Variants in HECTD3 observed in about 807,000 individuals in gnomAD.
The protein encoded by HECTD3 is HECT domain E3 ubiquitin protein ligase 3, also known as E3 ubiquitin-protein ligase HECTD3.
Under a neutral mutation model 109.3 loss-of-function variants are expected in HECTD3, and 72 were observed. The observed-to-expected ratio is 0.66, with a 90% confidence interval of 0.54 to 0.80. The LOEUF (loss-of-function observed/expected upper bound fraction) is 0.80. Among genes scored for constraint, HECTD3 ranks in the 30% least tolerant of loss-of-function variants. HECTD3 has a pLI of 0.00. For synonymous variants in HECTD3, 481 were observed against 471.8 expected (o/e 1.02, Z -0.25); for missense variants, 1,041 against 1,165.2 (o/e 0.89, Z 1.55).
rs745830654 is a variant in HECTD3 at position 45,009,357 on chromosome 1, C to T, written c.989+12G>A. ...ACATGCCCTACTTCCCTCCCCAGGC[C>T]AGCGTGCTCACTCGTCAATGCTCAC... On this transcript the variant is annotated intron_variant, in intron 6 of 20. Transcript: ENST00000372172. 1.3e-6 allele frequency: 2 copies of T among 1,599,650 alleles called. No homozygotes were observed. The highest frequency in any genetic ancestry group is 2.2e-5 in the South Asian group (2 of 90,628).
rs567972763 is a variant in HECTD3, at chr1:45,007,026, C to T, written c.1557-11G>A. ...TAGCGCATGGGCCACCTGCAAAAAA[C>T]GTGGGCAGATTTGTCATTATGTGGG... On this transcript the variant is annotated splice_polypyrimidine_tract_variant and intron_variant, in intron 11 of 20. Coordinates refer to ENST00000372172, the MANE Select transcript of HECTD3 (RefSeq NM_024602.6). The T allele has an allele frequency of 1.7e-5, 27 of 1,613,966 alleles. No homozygotes were observed. In the Admixed American group the frequency reaches 2.0e-4, roughly 12 times the overall value.
chr1:45,006,732 G>T lies in HECTD3; in HGVS notation c.1685C>A (p.Thr562Asn). ...SEELCPSSAD[T>N]PVPLPFFVRT... ...TACAAAGAAGGGCAGGGGCACGGGG[G>T]TATCCGCTGAGCTAGGGCACAGCTC... is the stretch of plus-strand genomic sequence containing the variant. Residue 562 changes from threonine (T) to asparagine (N), a missense_variant, in exon 13 of 21, where the codon ACC becomes AAC. Coordinates refer to ENST00000372172, the MANE Select transcript of HECTD3 (RefSeq NM_024602.6). The surrounding 1 kb of genome is among the most constrained non-coding windows in gnomAD (Gnocchi z 4.7). The T allele has an allele frequency of 6.2e-7, 1 of 1,613,690 alleles. No homozygotes were observed. Among genetic ancestry groups the T allele is most frequent in the Non-Finnish European group, 8.5e-7 (1 of 1,179,792 alleles).
Position 45,003,937 on chromosome 1 carries a change from C to T in HECTD3, c.2348-1G>A. On this transcript the variant is annotated splice_acceptor_variant, in intron 18 of 20. Coordinates refer to ENST00000372172, the MANE Select transcript of HECTD3 (RefSeq NM_024602.6). LOFTEE classifies it high-confidence loss of function. The surrounding 1 kb of genome is among the most constrained non-coding windows in gnomAD (Gnocchi z 4.7). ...AAGCGCAGGAAGCGGCTCCGGTCCTCTGGAGGGAGAAGGAAATCAGTGCCT... is the reference window on the plus strand; with the variant it reads ...AAGCGCAGGAAGCGGCTCCGGTCCTTTGGAGGGAGAAGGAAATCAGTGCCT... 6.2e-7 allele frequency: 1 copy of T among 1,613,318 alleles called. No individual in the cohort carries two copies. The highest frequency in any genetic ancestry group is 8.5e-7 in the Non-Finnish European group (1 of 1,179,592).
At chr1:45,005,759 G>C in intron 15 of HECTD3, 35 bp downstream of exon 15, 1 of 1,533,620 alleles carries the variant, frequency 6.5e-7, no homozygotes, top group Non-Finnish European at 8.8e-7. Context: ...TTTAGGGGCT[G>C]GGCAGAGGAA....
intron 4 of HECTD3, 54 bp from the exon 5 acceptor site, chr1:45,009,737 G>C: frequency 7.2e-7 from 1 of 1,397,700 alleles, no homozygotes; most frequent in Non-Finnish European, 1.0e-6. Context: ...CCTGCACTGG[G>C]CTTGTGCTCT....
intron 8 of HECTD3, 64 bp from the exon 9 acceptor site, chr1:45,008,385 A>C (rs760268043): frequency 1.3e-6 from 2 of 1,512,658 alleles, no homozygotes; most frequent in South Asian, 1.1e-5. Context: ...CCAACTCCCC[A>C]ACATAAAGGG....
Position 45,003,957 on chromosome 1 carries a change from G to A in HECTD3, c.2348-21C>T. On this transcript the variant is annotated intron_variant, in intron 18 of 20. Coordinates refer to ENST00000372172, the MANE Select transcript of HECTD3 (RefSeq NM_024602.6). This position sits in a 1 kb window ranked among gnomAD's most constrained non-coding sequence, Gnocchi z 4.7. ...GTCCTCTGGAGGGAGAAGGAAATCA[G>A]TGCCTGCATGGATGGTGAGGGAGGG... 1 of 1,613,276 alleles carries A rather than the reference G, an allele frequency of 6.2e-7. No individual in the cohort carries two copies. The highest frequency in any genetic ancestry group is 8.5e-7 in the Non-Finnish European group (1 of 1,179,496).
intron 2 of HECTD3, 122 bp downstream of exon 2, chr1:45,010,424 T>C: frequency 6.8e-7 from 1 of 1,479,678 alleles, no homozygotes; most frequent in Non-Finnish European, 9.3e-7. Flanking sequence ...GTCCCGCCCC[T>C]TTCTGCTCTT....
rs1308605617 is a variant in HECTD3, at chr1:45,002,635, TG to T, written c.*856del. On this transcript the variant is annotated 3_prime_UTR_variant, in exon 21 of 21. Transcript: ENST00000372172. ...AGGCCCTGAGGGAGGAACGGTAAAC[TG>T]GGGCAGGGGTGTGCATAGCTCTAGG... The T allele has an allele frequency of 6.6e-6, 1 of 152,156 alleles. No individual in the cohort carries two copies. Among genetic ancestry groups the T allele is most frequent in the East Asian group, 1.9e-4 (1 of 5,194 alleles). 9.4% of individuals were successfully genotyped at this position (152,156 alleles called of 1,614,324 possible). A position where few individuals can be genotyped will look rare whatever the true frequency, so the allele number is the denominator to read the frequency against.
In HECTD3 at chr1:45,005,051, A is replaced by T; in HGVS notation, c.1936-245T>A. 3 of 576,202 alleles carry T rather than the reference A, an allele frequency of 5.2e-6. No homozygotes were observed. The East Asian group carries it at 8.9e-5, about 17-fold the overall frequency. 35.7% of individuals were successfully genotyped at this position (576,202 alleles called of 1,614,324 possible). On this transcript the variant is annotated intron_variant, in intron 15 of 20. Coordinates refer to ENST00000372172, the MANE Select transcript of HECTD3 (RefSeq NM_024602.6). ...AGCTGAGACCCAAATGATGGCTGGG[A>T]CATAAGGGAAGTTAGGAGAGAGAAC...
rs1403246347 is a variant in HECTD3 at position 45,005,810 on chromosome 1, G to A, written c.1919C>T (p.Ala640Val). 2.5e-6 allele frequency: 4 copies of A among 1,602,862 alleles called. No individual in the cohort carries two copies. Among genetic ancestry groups the A allele is most frequent in the Admixed American group, 1.7e-5 (1 of 59,186 alleles). ...EEVSWSKDFP[A>V]VDSVLVKLLE... Reference sequence around the variant, plus strand: ...CCTACTCACCAGCACAGAGTCCACAGCTGGGAAGTCCTTGCTCCAGCTCAC... The same window carrying A: ...CCTACTCACCAGCACAGAGTCCACAACTGGGAAGTCCTTGCTCCAGCTCAC... Residue 640 changes from alanine (A) to valine (V), a missense_variant, in exon 15 of 21, where the codon GCT (alanine) becomes GTT (valine). Coordinates refer to ENST00000372172, the MANE Select transcript of HECTD3 (RefSeq NM_024602.6).
At chr1:45,004,180 C>G in intron 17 of HECTD3, 46 bp from the exon 18 acceptor site, 2 of 1,614,134 alleles carry the variant, frequency 1.2e-6, no homozygotes, top group Non-Finnish European at 1.7e-6. Flanking sequence ...TCATCTTGCC[C>G]AGTCCTTGAG....
At position 45,003,170 on chromosome 1, in the gene HECTD3, C is replaced by G. The variant is rs906899923; in HGVS notation, c.*322G>C. 7 of 326,062 alleles carry G rather than the reference C, an allele frequency of 2.1e-5. No individual in the cohort carries two copies. In the East Asian group the frequency reaches 3.2e-4, roughly 15 times the overall value. 20.2% of individuals were successfully genotyped at this position (326,062 alleles called of 1,614,324 possible). ...CGGAGCTGAAAATGGAGGCAAAGTC[C>G]ATGGGTTGGGGACCTAGATGGCCCC... is the stretch of plus-strand genomic sequence containing the variant. On this transcript the variant is annotated 3_prime_UTR_variant, in exon 21 of 21. Coordinates refer to ENST00000372172, the MANE Select transcript of HECTD3 (RefSeq NM_024602.6). This position sits in a 1 kb window ranked among gnomAD's most constrained non-coding sequence, Gnocchi z 4.7.
chr1:45,011,035 C>A lies in HECTD3; in HGVS notation c.223G>T (p.Val75Leu). Reference sequence around the variant, plus strand: ...CCGGGGGCTGGGCCTGCGGCGCCCACACGCAGCCCCAGGCCCTCTGCCTCC... The same window carrying A: ...CCGGGGGCTGGGCCTGCGGCGCCCAAACGCAGCCCCAGGCCCTCTGCCTCC... ...VWEAEGLGLR[V>L]GAAGPAPGTG... The change falls in exon 1 of 21, where the codon GTG (valine) becomes TTG (leucine). Residue 75 changes from valine to leucine, a missense_variant. Physicochemically the swap from Val to Leu is conservative, Grantham distance 32 (BLOSUM62 1). This residue lies in a region of HECTD3 where 472 missense variants were observed against 449.9 expected (regional missense o/e 1.05). Coordinates refer to ENST00000372172, the MANE Select transcript of HECTD3 (RefSeq NM_024602.6). 7.0e-7 allele frequency: 1 copy of A among 1,418,786 alleles called. No homozygotes were observed. Among genetic ancestry groups the A allele is most frequent in the Non-Finnish European group, 9.1e-7 (1 of 1,092,948 alleles). 87.9% of individuals were successfully genotyped at this position (1,418,786 alleles called of 1,614,324 possible).
At position 45,003,281 on chromosome 1, in the gene HECTD3, C is replaced by T. The variant is rs147414733; in HGVS notation, c.*211G>A. 1.7e-6 allele frequency: 1 copy of T among 579,050 alleles called. No homozygotes were observed. Among genetic ancestry groups the T allele is most frequent in the East Asian group, 2.9e-5 (1 of 34,928 alleles). The allele number at this position is 579,050 out of a possible 1,614,324, so 35.9% of individuals were successfully genotyped here. ...GTGAAATACCTCGGGAAGCAAGCCC[C>T]AGCACGGGTAGGGCTTGTGGGTCTG... On this transcript the variant is annotated 3_prime_UTR_variant, in exon 21 of 21. Transcript: ENST00000372172. The surrounding 1 kb of genome is among the most constrained non-coding windows in gnomAD (Gnocchi z 4.7).
intron 15 of HECTD3, 104 bp downstream of exon 15, chr1:45,005,690 G>A (rs12739545): frequency 0.25 from 221,475 of 879,028 alleles, 29,215 homozygotes; most frequent in Admixed American, 0.35. Context: ...ATGGATTGGA[G>A]AGGGATCTTG....
At chr1:45,005,540 C>T (rs952580954) in intron 15 of HECTD3, 1 of 392,024 alleles carries the variant, frequency 2.6e-6, no homozygotes, top group African/African-American at 2.1e-5. Context: ...AAAGAACACA[C>T]TGAGCCTGAG....
chr1:45,008,599 C>T lies in HECTD3; in HGVS notation c.1175G>A (p.Arg392Gln), dbSNP rs750318785. 2 of 1,613,844 alleles carry T rather than the reference C, an allele frequency of 1.2e-6. No individual in the cohort carries two copies. Among genetic ancestry groups the T allele is most frequent in the African/African-American group, 1.3e-5 (1 of 74,920 alleles). The change falls in exon 8 of 21, where the codon CGA becomes CAA. Residue 392 changes from arginine (R) to glutamine (Q), a missense_variant. Around this residue, in one of 2 missense-constraint regions of HECTD3, gnomAD observed 569 missense variants for 715.3 expected, o/e 0.80. Coordinates refer to ENST00000372172, the MANE Select transcript of HECTD3 (RefSeq NM_024602.6). ...GTCGGTGCCTTCTAGGCGTGGATATCGCACCAGACTAGTTGGCTGGAACAG... is the reference window on the plus strand; with the variant it reads ...GTCGGTGCCTTCTAGGCGTGGATATTGCACCAGACTAGTTGGCTGGAACAG... ...ADLFQPTSLVRYPRLEGTDPE... is the reference protein window; with the variant it reads ...ADLFQPTSLVQYPRLEGTDPE...
rs377415338 is a variant in HECTD3 at position 45,008,232 on chromosome 1, C to G, written c.1320+8G>C. The G allele has an allele frequency of 1.9e-6, 3 of 1,610,554 alleles. 1 individual carries two copies. Among genetic ancestry groups the G allele is most frequent in the Admixed American group, 3.3e-5 (2 of 59,954 alleles). On this transcript the variant is annotated splice_region_variant and intron_variant, in intron 9 of 20. Coordinates refer to ENST00000372172, the MANE Select transcript of HECTD3 (RefSeq NM_024602.6). ...ATGCCAAGACCAGCACTGGCTGGGT[C>G]GGCTCACCTTAATCTCACTGAAGGT...
Sources: allele counts gnomAD v4.1 joint callset, GRCh38; gene constraint gnomAD v4.1.1; regional missense constraint gnomAD v4.1.1; non-coding constraint Gnocchi (gnomAD v3.1); transcripts MANE v1.5; gene names NCBI Gene and HGNC (gene_info 2026-07-23, HGNC 2026-07-21).